The following CDH13 variants were observed in gnomAD, a reference collection of about 807,000 sequenced individuals.
CDH13 encodes the protein cadherin-13.
In CDH13, 24 loss-of-function variants were observed where a neutral mutation model predicts 63.8. That is an observed-to-expected ratio of 0.38 (90% confidence interval 0.27 to 0.53). The LOEUF is 0.53. Ranked by LOEUF, CDH13 falls within the 20% of genes least tolerant of loss-of-function variation. The pLI is 0.85. For synonymous variants in CDH13, 503 were observed against 355.3 expected, an observed-to-expected ratio of 1.42 and a Z score of -4.67; for missense variants, 1,049 against 903.1, an observed-to-expected ratio of 1.16 and a Z score of -2.07.
At chr16:83,458,301 C>G (rs1445982512) in intron 6 of CDH13, among the ~76,000 whole-genome samples, 1 of 152,102 alleles carries the variant, frequency 6.6e-6, no homozygotes, top group Non-Finnish European at 1.5e-5. Flanking sequence ...TTTGAATTAC[C>G]AAACTAAGTC....
chr16:83,537,901 A>AT (rs1341179256), intron 7 of CDH13, among the ~76,000 whole-genome samples: 5 of 152,170 alleles, frequency 3.3e-5, no homozygotes, highest in Admixed American at 6.5e-5. Context: ...CATAGTGCCT[A>AT]TTTCTCTATT....
At chr16:83,388,221 A>C (rs2091713938) in intron 6 of CDH13, among the ~76,000 whole-genome samples, 1 of 151,632 alleles carries the variant, frequency 6.6e-6, no homozygotes, top group Non-Finnish European at 1.5e-5. Context: ...TGGGAGGCAA[A>C]AGCAGGCTTA....
intron 1 of CDH13, among the ~76,000 whole-genome samples, chr16:82,698,023 G>A (rs2030544827): frequency 6.6e-6 from 1 of 152,068 alleles, no homozygotes. Context: ...TTGGCACATA[G>A]GGGCTATAAA....
intron 5 of CDH13, among the ~76,000 whole-genome samples, chr16:83,337,161 T>A (rs943621928): frequency 6.6e-6 from 1 of 152,206 alleles, no homozygotes; most frequent in Non-Finnish European, 1.5e-5. Flanking sequence ...GGTGAATTAA[T>A]TGGCTTGAAG....
intron 1 of CDH13, among the ~76,000 whole-genome samples, chr16:82,848,518 T>G (rs937555612): frequency 2.6e-5 from 4 of 152,130 alleles, no homozygotes; most frequent in Non-Finnish European, 1.5e-5. Flanking sequence ...AAATTATTAC[T>G]TTGTCTATTT....
intron 5 of CDH13, among the ~76,000 whole-genome samples, chr16:83,299,126 A>G (rs1416237665): frequency 6.6e-6 from 1 of 152,204 alleles, no homozygotes; most frequent in Non-Finnish European, 1.5e-5. Context: ...TACCATATAC[A>G]CTGTTTTGCA....
chr16:83,281,432 G>T (rs1043959107), intron 5 of CDH13, among the ~76,000 whole-genome samples: 5 of 152,168 alleles, frequency 3.3e-5, no homozygotes, highest in Admixed American at 6.5e-5. Context: ...CTTTTATCCA[G>T]ACCACTCAAA....
At chr16:82,996,292 C>G (rs551830965) in intron 2 of CDH13, among the ~76,000 whole-genome samples, 1 of 152,258 alleles carries the variant, frequency 6.6e-6, no homozygotes, top group East Asian at 1.9e-4. Context: ...CCCTCTTCCT[C>G]TCCCAGTGGC....
chr16:83,384,481 G>T (rs1412306378), intron 6 of CDH13, among the ~76,000 whole-genome samples: 1 of 152,244 alleles, frequency 6.6e-6, no homozygotes, highest in African/African-American at 2.4e-5. Context: ...AAGAGGTAAT[G>T]CAAAGAGGCT....
At chr16:82,656,408 A>G (rs932303271) in intron 1 of CDH13, among the ~76,000 whole-genome samples, 1 of 152,150 alleles carries the variant, frequency 6.6e-6, no homozygotes, top group Non-Finnish European at 1.5e-5. Context: ...TTAAAAAGCA[A>G]GTAAACCTTA....
chr16:83,509,645 A>C (rs2074508623), intron 7 of CDH13, among the ~76,000 whole-genome samples: 1 of 152,218 alleles, frequency 6.6e-6, no homozygotes, highest in African/African-American at 2.4e-5. Context: ...AGAGAGAAGA[A>C]AACATATAAA....
At chr16:83,249,990 A>G (rs1262897960) in intron 5 of CDH13, among the ~76,000 whole-genome samples, 1 of 152,240 alleles carries the variant, frequency 6.6e-6, no homozygotes, top group Non-Finnish European at 1.5e-5. Flanking sequence ...TAACCAACCA[A>G]GTAGTTGTTT....
intron 2 of CDH13, among the ~76,000 whole-genome samples, chr16:82,901,961 C>G (rs1439874839): frequency 1.3e-5 from 2 of 152,226 alleles, no homozygotes; most frequent in Admixed American, 6.5e-5. Context: ...TTAGCAACCT[C>G]ACTTTCTCTG....
At chr16:83,290,737 G>T (rs1052875075) in intron 5 of CDH13, among the ~76,000 whole-genome samples, 4 of 152,086 alleles carry the variant, frequency 2.6e-5, no homozygotes, top group Admixed American at 6.6e-5. Context: ...TGTGTTCAGG[G>T]CCTTTCTCGG....
intron 2 of CDH13, among the ~76,000 whole-genome samples, chr16:83,013,288 T>G (rs906475211): frequency 3.6e-4 from 55 of 152,316 alleles, no homozygotes; most frequent in African/African-American, 1.1e-3. Flanking sequence ...GGGCCGGATT[T>G]GACATGCAGG....
chr16:82,974,040 C>G (rs566793032), intron 2 of CDH13, among the ~76,000 whole-genome samples: 2 of 152,144 alleles, frequency 1.3e-5, no homozygotes, highest in Non-Finnish European at 2.9e-5. Context: ...CTGCCTCAGC[C>G]TCCCAAGTAA....
At chr16:82,693,359 A>T (rs1388728265) in intron 1 of CDH13, among the ~76,000 whole-genome samples, 1 of 152,308 alleles carries the variant, frequency 6.6e-6, no homozygotes, top group Non-Finnish European at 1.5e-5. Context: ...TCATCAAAGG[A>T]CCTGCTAGCA....
chr16:83,017,980 T>C (rs985847888), intron 2 of CDH13, among the ~76,000 whole-genome samples: 4 of 152,292 alleles, frequency 2.6e-5, no homozygotes, highest in African/African-American at 7.2e-5. Context: ...CAAAACACAG[T>C]TTGGTAAATT....
At chr16:83,255,396 G>A (rs929952725) in intron 5 of CDH13, among the ~76,000 whole-genome samples, 1 of 152,168 alleles carries the variant, frequency 6.6e-6, no homozygotes, top group African/African-American at 2.4e-5. Context: ...GCAGAAAATG[G>A]CTTTCCCACA....
Sources: allele counts gnomAD v4.1 joint callset (sites outside exome capture counted in the v4.1 genomes callset), GRCh38; gene constraint gnomAD v4.1.1; transcripts MANE v1.5; gene names NCBI Gene and HGNC (gene_info 2026-07-23, HGNC 2026-07-21).